Variants in INSL6 observed in about 807,000 individuals in gnomAD.
INSL6 encodes the protein insulin-like peptide INSL6.
Under a neutral mutation model 9.4 loss-of-function variants are expected in INSL6, and 16 were observed. That is an observed-to-expected ratio of 1.70 (90% CI 1.15 to 2.59). INSL6 has a LOEUF of 2.59. Ranked by LOEUF, INSL6 falls within the 30% of genes most tolerant of loss-of-function variation. INSL6 has a pLI of 0.00. For synonymous variants in INSL6, 154 were observed against 96.9 expected (o/e 1.59, Z -3.46); for missense variants, 391 against 257.3 (o/e 1.52, Z -3.56).
the INSL6 span, among the ~76,000 whole-genome samples, chr9:5,092,118 A>G: frequency 2.6e-5 from 4 of 152,170 alleles, no homozygotes; most frequent in African/African-American, 9.7e-5. Flanking sequence ...GTAAATACAT[A>G]AAAACGTTAG....
chr9:5,099,836 C>T, the INSL6 span: 5 of 152,152 alleles, frequency 3.3e-5, no homozygotes, highest in African/African-American at 1.2e-4. Context: ...TCATTTACAC[C>T]AACTATCCAA....
chr9:5,066,892 C>A, the INSL6 span: 1 of 466,258 alleles, frequency 2.1e-6, no homozygotes, highest in Non-Finnish European at 3.6e-6. Context: ...AGAATTATAG[C>A]TTTGGATATG....
chr9:5,063,806 T>C, the INSL6 span, among the ~76,000 whole-genome samples: 1 of 152,234 alleles, frequency 6.6e-6, no homozygotes, highest in Non-Finnish European at 1.5e-5. Flanking sequence ...CGTCTATATA[T>C]TTTCCCATGT....
intron 2 of INSL6, among the ~76,000 whole-genome samples, chr9:5,137,398 C>A (rs116072966): frequency 1.3e-5 from 2 of 152,166 alleles, no homozygotes; most frequent in African/African-American, 2.4e-5. Context: ...AACAAAACAG[C>A]ATGGTATTGG....
the INSL6 span, among the ~76,000 whole-genome samples, chr9:5,029,260 T>C: frequency 1.3e-5 from 2 of 152,214 alleles, no homozygotes; most frequent in Non-Finnish European, 2.9e-5. Context: ...CAGGAATGGC[T>C]GTTGCTGGAG....
chr9:5,065,067 T>G, the INSL6 span: 1 of 1,452,674 alleles, frequency 6.9e-7, no homozygotes, highest in South Asian at 1.4e-5. Context: ...TAAAAGTAAA[T>G]TTTTAGAAAA....
the INSL6 span, among the ~76,000 whole-genome samples, chr9:5,118,869 C>T: frequency 2.6e-5 from 4 of 152,178 alleles, no homozygotes; most frequent in East Asian, 7.7e-4. Context: ...ATTAAAACCA[C>T]TTGACTTTCA....
chr9:5,134,265 T>G (rs1392303754), intron 2 of INSL6, among the ~76,000 whole-genome samples: 1 of 152,142 alleles, frequency 6.6e-6, no homozygotes, highest in African/African-American at 2.4e-5. Context: ...TGGAAAACAC[T>G]CTTCAGGATA....
At chr9:5,043,878 TA>T in the INSL6 span, among the ~76,000 whole-genome samples, 5 of 152,220 alleles carry the variant, frequency 3.3e-5, no homozygotes, top group Admixed American at 6.5e-5. Context: ...TAGATTGTGA[TA>T]TTTGTACAAT....
the INSL6 span, among the ~76,000 whole-genome samples, chr9:5,115,739 G>C: frequency 6.6e-6 from 1 of 152,172 alleles, no homozygotes; most frequent in Middle Eastern, 3.2e-3. Flanking sequence ...CCATAAACAA[G>C]GATGAGTTCA....
intron 2 of INSL6, among the ~76,000 whole-genome samples, chr9:5,147,076 G>A (rs1380455535): frequency 6.6e-6 from 1 of 152,176 alleles, no homozygotes; most frequent in South Asian, 2.1e-4. Flanking sequence ...CAAGCCTAGA[G>A]GGGTGGTCAT....
At chr9:5,118,869 C>A in the INSL6 span, among the ~76,000 whole-genome samples, 2 of 152,178 alleles carry the variant, frequency 1.3e-5, no homozygotes, top group African/African-American at 4.8e-5. Context: ...ATTAAAACCA[C>A]TTGACTTTCA....
chr9:5,166,708 G>C (rs1245185697), intron 1 of INSL6, among the ~76,000 whole-genome samples: 5 of 152,072 alleles, frequency 3.3e-5, no homozygotes, highest in African/African-American at 9.7e-5. Flanking sequence ...GATATGGGTG[G>C]TTCCACTTAT....
chr9:5,163,589 G>A (rs1279038457), downstream of INSL6, among the ~76,000 whole-genome samples: 1 of 151,954 alleles, frequency 6.6e-6, no homozygotes, highest in Admixed American at 6.6e-5. Flanking sequence ...TCATACAGAT[G>A]GAAAGCAGAA....
At chr9:4,997,065 A>C in the INSL6 span, among the ~76,000 whole-genome samples, 1 of 150,110 alleles carries the variant, frequency 6.7e-6, no homozygotes, top group Admixed American at 6.7e-5. Context: ...AGTAGCTGGC[A>C]CTGCAGGCGA....
intron 2 of INSL6, among the ~76,000 whole-genome samples, chr9:5,148,475 C>G (rs1165193701): frequency 6.6e-6 from 1 of 152,152 alleles, no homozygotes; most frequent in Non-Finnish European, 1.5e-5. Context: ...ATCACTGGCA[C>G]TGTGCTCACA....
the INSL6 span, among the ~76,000 whole-genome samples, chr9:4,996,560 A>AT: frequency 1.3e-5 from 2 of 151,396 alleles, no homozygotes; most frequent in Admixed American, 1.3e-4. Context: ...GGTATTGTAG[A>AT]TTTTTTGGTT....
chr9:5,091,619 A>G, the INSL6 span: 1 of 152,224 alleles, frequency 6.6e-6, no homozygotes, highest in African/African-American at 2.4e-5. Context: ...GATAATTAAT[A>G]GTAGAGTTTA....
the INSL6 span, among the ~76,000 whole-genome samples, chr9:5,042,638 GCTTGT>G: frequency 2.0e-5 from 3 of 151,832 alleles, no homozygotes; most frequent in African/African-American, 7.3e-5. Context: ...ATAAAGTCCA[GCTTGT>G]CTCCCTCATC....
Sources: gnomAD v4.1 joint callset for allele counts (sites outside exome capture counted in the v4.1 genomes callset) on GRCh38, gnomAD v4.1.1 for gene constraint, MANE v1.5 for transcripts, NCBI Gene and HGNC (gene_info 2026-07-23, HGNC 2026-07-21) for gene names.